Variants in TANGO6 observed in about 807,000 individuals in gnomAD.
TANGO6 encodes transport and golgi organization 6 homolog.
In TANGO6, 90 loss-of-function variants were observed where a neutral mutation model predicts 114.2. The ratio of observed to expected loss-of-function variants is 0.79; its 90% CI spans 0.66 to 0.94. TANGO6 has a LOEUF of 0.94. Among genes scored for constraint, TANGO6 ranks in the 40% least tolerant of loss-of-function variants. The pLI is 0.00. For synonymous variants in TANGO6, 477 were observed against 509.8 expected (o/e 0.94, Z 0.87); for missense variants, 1,274 against 1,315.3 (o/e 0.97, Z 0.49).
chr16:68,910,123 G>T (rs963029921), intron 11 of TANGO6, among the ~76,000 whole-genome samples: 1 of 152,190 alleles, frequency 6.6e-6, no homozygotes, highest in South Asian at 2.1e-4. Context: ...AGCTTGGTTG[G>T]TCAATAGGCA....
chr16:69,051,867 TA>T (rs1471186442), intron 17 of TANGO6, among the ~76,000 whole-genome samples: 1 of 151,674 alleles, frequency 6.6e-6, no homozygotes, highest in Non-Finnish European at 1.5e-5. Flanking sequence ...TATATATATA[TA>T]TTTTTTCCAT....
chr16:68,967,223 C>G (rs115929138), intron 14 of TANGO6, among the ~76,000 whole-genome samples: 1 of 152,064 alleles, frequency 6.6e-6, no homozygotes, highest in African/African-American at 2.4e-5. Context: ...GTTGGGAGGG[C>G]GGGGATGGTT....
At chr16:68,921,449 G>A (rs909313685) in intron 12 of TANGO6, among the ~76,000 whole-genome samples, 1 of 151,658 alleles carries the variant, frequency 6.6e-6, no homozygotes, top group African/African-American at 2.4e-5. Flanking sequence ...CTCCCAAAGT[G>A]TTACAGGCAT....
intron 1 of TANGO6, among the ~76,000 whole-genome samples, chr16:68,851,275 T>G (rs1961898853): frequency 6.6e-6 from 1 of 152,128 alleles, no homozygotes; most frequent in African/African-American, 2.4e-5. Flanking sequence ...TTCTCCTGCC[T>G]CAGCCTCCCG....
At chr16:68,976,802 A>G (rs1488516293) in intron 15 of TANGO6, among the ~76,000 whole-genome samples, 5 of 152,196 alleles carry the variant, frequency 3.3e-5, no homozygotes, top group Non-Finnish European at 7.3e-5. Flanking sequence ...ATTGTGTTAT[A>G]AAGTATAGCT....
At chr16:68,888,395 A>G (rs957465144) in intron 7 of TANGO6, among the ~76,000 whole-genome samples, 1 of 152,192 alleles carries the variant, frequency 6.6e-6, no homozygotes, top group South Asian at 2.1e-4. Context: ...TAAGAGAGTT[A>G]TAATGCCTTT....
At chr16:69,073,960 TAAA>T (rs145298162) in intron 17 of TANGO6, among the ~76,000 whole-genome samples, 2 of 131,622 alleles carry the variant, frequency 1.5e-5, no homozygotes, top group Non-Finnish European at 3.3e-5. Context: ...GACTCCATCT[TAAA>T]AAAAAAAAAA....
chr16:69,067,039 A>G (rs7498201), intron 17 of TANGO6, among the ~76,000 whole-genome samples: 13,354 of 152,034 alleles, frequency 0.088, 657 homozygotes, highest in South Asian at 0.18. Flanking sequence ...TGGGACCACA[A>G]ATGCGTGACA....
At chr16:68,926,794 C>T (rs1963172924) in intron 12 of TANGO6, 1 of 152,242 alleles carries the variant, frequency 6.6e-6, no homozygotes, top group Middle Eastern at 3.4e-3. Flanking sequence ...CCTGAAGCCT[C>T]ATCTGATAAT....
chr16:68,928,154 G>T, intron 13 of TANGO6, 71 bp downstream of exon 13: 1 of 1,457,950 alleles, frequency 6.9e-7, no homozygotes, highest in Non-Finnish European at 9.0e-7. Context: ...TATTTTTGGA[G>T]CCTGGACTAT....
intron 17 of TANGO6, among the ~76,000 whole-genome samples, chr16:69,049,676 C>T (rs1433131958): frequency 6.6e-6 from 1 of 151,838 alleles, no homozygotes; most frequent in Non-Finnish European, 1.5e-5. Flanking sequence ...AAGTGATCCA[C>T]CACCCCTCCC....
intron 17 of TANGO6, among the ~76,000 whole-genome samples, chr16:69,043,647 G>A (rs768972374): frequency 2.0e-5 from 3 of 152,118 alleles, no homozygotes; most frequent in African/African-American, 4.8e-5. Context: ...TCTTGTAATC[G>A]TAGGTGTGAT....
intron 7 of TANGO6, chr16:68,900,132 T>C: frequency 3.3e-6 from 1 of 301,768 alleles, no homozygotes; most frequent in Non-Finnish European, 6.1e-6. Flanking sequence ...ATTAGGAAAC[T>C]CAGACATAGC....
chr16:68,959,028 C>T (rs571724198), intron 14 of TANGO6, among the ~76,000 whole-genome samples: 67 of 152,174 alleles, frequency 4.4e-4, no homozygotes, highest in Non-Finnish European at 6.0e-4. Flanking sequence ...CTGTGTAGAA[C>T]CCTACAGGGT....
At chr16:68,930,917 G>A (rs187360787) in intron 14 of TANGO6, among the ~76,000 whole-genome samples, 464 of 152,252 alleles carry the variant, frequency 3.0e-3, no homozygotes, top group Non-Finnish European at 5.0e-3. Context: ...GATTACAGGC[G>A]TGAGCCACCA....
chr16:68,864,790 C>T (rs1278248164), intron 3 of TANGO6, among the ~76,000 whole-genome samples: 1 of 152,140 alleles, frequency 6.6e-6, no homozygotes, highest in Non-Finnish European at 1.5e-5. Context: ...TTCCATTCTT[C>T]AGGTTTCTTA....
chr16:69,071,052 G>T lies in TANGO6; in HGVS notation c.3109-12433G>T, dbSNP rs987122752. Among the ~76,000 whole-genome samples, 66 of 152,172 alleles carry T rather than the reference G, an allele frequency of 4.3e-4. 1 individual carries two copies. Among genetic ancestry groups the T allele is most frequent in the African/African-American group, 1.5e-3 (61 of 41,438 alleles). ...GGCCTCCCAAAGTGTGATTACAGGTGTGAGCCACCATAAAATTAGGAATGC... is the reference window on the plus strand; with the variant it reads ...GGCCTCCCAAAGTGTGATTACAGGTTTGAGCCACCATAAAATTAGGAATGC... On this transcript the variant is annotated intron_variant, in intron 17 of 17. Coordinates refer to ENST00000261778, the MANE Select transcript of TANGO6 (RefSeq NM_024562.2).
At chr16:69,071,797 G>A (rs1343090308) in intron 17 of TANGO6, among the ~76,000 whole-genome samples, 4 of 152,210 alleles carry the variant, frequency 2.6e-5, no homozygotes, top group Non-Finnish European at 4.4e-5. Context: ...TCCAGGTCAA[G>A]CTCATTGAAA....
At chr16:68,878,953 G>A (rs1253081658) in intron 6 of TANGO6, among the ~76,000 whole-genome samples, 1 of 152,014 alleles carries the variant, frequency 6.6e-6, no homozygotes, top group Admixed American at 6.6e-5. Context: ...GCAAGCACCT[G>A]TAGCCCCAGC....
Sources: gnomAD v4.1 joint callset for allele counts (sites outside exome capture counted in the v4.1 genomes callset) on GRCh38, gnomAD v4.1.1 for gene constraint, MANE v1.5 for transcripts, NCBI Gene and HGNC (gene_info 2026-07-23, HGNC 2026-07-21) for gene names.